Variants in ENTPD7 observed in about 807,000 individuals in gnomAD.
ENTPD7 encodes NTPDase 7.
In ENTPD7, 53 loss-of-function variants were observed where a neutral mutation model predicts 77.9. The observed-to-expected ratio is 0.68, with a 90% CI of 0.55 to 0.85. The LOEUF is 0.85. Ranked by LOEUF, ENTPD7 falls within the 40% of genes least tolerant of loss-of-function variation. The probability of loss-of-function intolerance (pLI) is 0.00; values close to 1 mark genes in which losing one functional copy is unlikely to be tolerated. For missense variants in ENTPD7, 636 were observed against 743.7 expected (o/e 0.86, Z 1.68); for synonymous variants, 248 against 274.9 (o/e 0.90, Z 0.97).
rs756556486 is a variant in ENTPD7 at position 99,708,217 on chromosome 10, T to G, written c.*3534T>G. ...TAACTTCAAGATCATATCCAGTGAT[T>G]GCTGAAAAATGTCTGCCATGCACTT... is the stretch of plus-strand genomic sequence containing the variant. On this transcript the variant is annotated 3_prime_UTR_variant, in exon 13 of 13. Coordinates refer to ENST00000370489, the MANE Select transcript of ENTPD7 (RefSeq NM_020354.5). Among the ~76,000 whole-genome samples, 47 of 152,330 alleles carry G rather than the reference T, an allele frequency of 3.1e-4. No individual in the cohort carries two copies. The highest frequency in any genetic ancestry group is 6.0e-4 in the Non-Finnish European group (41 of 68,034).
At chr10:99,691,613 T>G in intron 8 of ENTPD7, 95 bp downstream of exon 8, 8 of 1,368,536 alleles carry the variant, frequency 5.8e-6, no homozygotes, top group Non-Finnish European at 8.0e-6. Context: ...TACCTGGCTC[T>G]AAATATTTGT....
Position 99,698,632 on chromosome 10 carries a change from T to C in ENTPD7, c.1109T>C (p.Val370Ala). The C allele has an allele frequency of 6.2e-7, 1 of 1,614,146 alleles. No individual in the cohort carries two copies. Residue 370 changes from valine to alanine, a missense_variant, in exon 10 of 13, where the codon GTC becomes GCC. By Grantham distance (64) the Val-to-Ala change is moderately conservative (BLOSUM62 0). Transcript: ENST00000370489. Reference sequence around the variant, plus strand: ...GATGTGGTGGAGAGGAACAGCCAAGTCTTACATGTCCGAGGAAGAGGAGAC... The same window carrying C: ...GATGTGGTGGAGAGGAACAGCCAAGCCTTACATGTCCGAGGAAGAGGAGAC... ...LTDVVERNSQVLHVRGRGDWV... is the reference protein window; with the variant it reads ...LTDVVERNSQALHVRGRGDWV...
At chr10:99,673,104 T>G (rs952553939) in intron 3 of ENTPD7, among the ~76,000 whole-genome samples, 2 of 152,012 alleles carry the variant, frequency 1.3e-5, no homozygotes, top group African/African-American at 4.8e-5. Context: ...AGAGGAGGTG[T>G]GTGTGTGGGT....
intron 3 of ENTPD7, among the ~76,000 whole-genome samples, chr10:99,675,763 A>T (rs536338806): frequency 1.3e-5 from 2 of 151,626 alleles, no homozygotes; most frequent in Non-Finnish European, 2.9e-5. Context: ...CGCCTGGCTC[A>T]TTTTTTGTAT....
chr10:99,690,652 C>T (rs925990431), intron 7 of ENTPD7, among the ~76,000 whole-genome samples: 5 of 151,570 alleles, frequency 3.3e-5, no homozygotes, highest in African/African-American at 7.3e-5. Context: ...AAGCGATTCT[C>T]CTGCCTCAGC....
Position 99,698,670 on chromosome 10 carries a change from G to T in ENTPD7, c.1147G>T (p.Gly383Trp). The T allele has an allele frequency of 6.2e-7, 1 of 1,614,192 alleles. No individual in the cohort carries two copies. The highest frequency in any genetic ancestry group is 1.3e-5 in the African/African-American group (1 of 75,056). Residue 383 changes from glycine (G) to tryptophan (W), a missense_variant, in exon 10 of 13, where the codon GGG becomes TGG. Gly to Trp is a radical substitution (Grantham distance 184). Around this residue, in one of 3 missense-constraint regions of ENTPD7, gnomAD observed 486 missense variants for 556.5 expected, o/e 0.87. Transcript: ENST00000370489. ...AGGAAGAGGAGACTGGGTGTCTTGT[G>T]GGGCAATGCTGAGCCCCCTGCTGGC... ...VRGRGDWVSC[G>W]AMLSPLLARS...
At chr10:99,675,878 G>C (rs2035675798) in intron 3 of ENTPD7, among the ~76,000 whole-genome samples, 2 of 152,128 alleles carry the variant, frequency 1.3e-5, no homozygotes, top group African/African-American at 4.8e-5. Flanking sequence ...TTACAGGCAT[G>C]AGCCACTGCG....
At chr10:99,698,320 G>T (rs1000416338) in intron 9 of ENTPD7, among the ~76,000 whole-genome samples, 3 of 152,082 alleles carry the variant, frequency 2.0e-5, no homozygotes. Context: ...CTAAAATGTC[G>T]AACAGAATTG....
At position 99,679,256 on chromosome 10, in the gene ENTPD7, C is replaced by T; in HGVS notation, c.192-5C>T. 2 of 1,613,336 alleles carry T rather than the reference C, an allele frequency of 1.2e-6. No homozygotes were observed. The highest frequency in any genetic ancestry group is 1.7e-6 in the Non-Finnish European group (2 of 1,179,764). ...AGCACTGATTTCTCTTTTTGCCTGA[C>T]TTAGGTATTTGGCTCGAGTAGGGGA... On this transcript the variant is annotated splice_polypyrimidine_tract_variant and splice_region_variant and intron_variant, in intron 3 of 12. Coordinates refer to ENST00000370489, the MANE Select transcript of ENTPD7 (RefSeq NM_020354.5).
chr10:99,661,399 T>C, intron 2 of ENTPD7, 47 bp from the exon 3 acceptor site: 1 of 1,502,360 alleles, frequency 6.7e-7, no homozygotes, highest in Non-Finnish European at 9.0e-7. Flanking sequence ...ATTTAAGCAC[T>C]CAGTTGTAGA....
At chr10:99,680,657 G>A (rs1279183529) in intron 5 of ENTPD7, among the ~76,000 whole-genome samples, 1 of 151,992 alleles carries the variant, frequency 6.6e-6, no homozygotes, top group Non-Finnish European at 1.5e-5. Context: ...TGTGATCACA[G>A]CTCACTTCAA....
At chr10:99,692,435 G>A (rs138278218) in intron 8 of ENTPD7, among the ~76,000 whole-genome samples, 1 of 152,290 alleles carries the variant, frequency 6.6e-6, no homozygotes, top group Non-Finnish European at 1.5e-5. Context: ...TGGCAATATG[G>A]GGACTGGCAG....
In ENTPD7 at chr10:99,709,401, T is replaced by C; in HGVS notation, c.*4718T>C. ...TTCAAATTCTCCCATATTAGTCTCT[T>C]AGGGACGCTAGCTCCAGATTCCAGC... On this transcript the variant is annotated 3_prime_UTR_variant, in exon 13 of 13. Transcript: ENST00000370489. The C allele has an allele frequency of 1.0e-6, 1 of 985,424 alleles. No homozygotes were observed. The highest frequency in any genetic ancestry group is 1.2e-6 in the Non-Finnish European group (1 of 829,912). The allele number at this position is 985,424 out of a possible 1,614,324, so 61.0% of individuals were successfully genotyped here.
At chr10:99,700,507 T>C (rs1019904644) in intron 10 of ENTPD7, among the ~76,000 whole-genome samples, 2 of 151,970 alleles carry the variant, frequency 1.3e-5, no homozygotes, top group African/African-American at 4.8e-5. Flanking sequence ...TTTGTCTGTT[T>C]TATTTACTGC....
intron 6 of ENTPD7, among the ~76,000 whole-genome samples, chr10:99,686,886 G>A (rs1486514429): frequency 6.9e-6 from 1 of 145,572 alleles, no homozygotes; most frequent in Non-Finnish European, 1.5e-5. Flanking sequence ...TTGATCTCAA[G>A]TTCTGAGCTG....
intron 8 of ENTPD7, among the ~76,000 whole-genome samples, chr10:99,693,504 C>T (rs2013269): frequency 0.85 from 128,772 of 152,212 alleles, 54,671 homozygotes; most frequent in Middle Eastern, 0.92. Context: ...AGGTGACAAG[C>T]GGGACTGGGG....
At chr10:99,692,277 TATG>T (rs2035894697) in intron 8 of ENTPD7, among the ~76,000 whole-genome samples, 1 of 152,220 alleles carries the variant, frequency 6.6e-6, no homozygotes, top group African/African-American at 2.4e-5. Context: ...CCATGCATCA[TATG>T]ATATCTCTTG....
rs79877949 is a variant in ENTPD7, at chr10:99,696,405, G to A, written c.1010+283G>A. Among the ~76,000 whole-genome samples the A allele has an allele frequency of 2.9e-3, 444 of 152,304 alleles. 1 individual carries two copies. In the Middle Eastern group the frequency reaches 0.058, roughly 20 times the overall value. On this transcript the variant is annotated intron_variant, in intron 9 of 12. Transcript: ENST00000370489. ...CCTAACATCATGGGAAAAGGGAGAT[G>A]AATTAAATTGCCAGTTTAAAATGTA... is the stretch of plus-strand genomic sequence containing the variant.
rs370286436 is a variant in ENTPD7 at position 99,661,609 on chromosome 10, C to T, written c.172C>T (p.Arg58Ter). The T allele has an allele frequency of 3.7e-6, 6 of 1,606,206 alleles. No homozygotes were observed. Among genetic ancestry groups the T allele is most frequent in the African/African-American group, 2.7e-5 (2 of 74,408 alleles). ...DFRHWSASLP[R>*]DRQYERYLAR... ...TCGACATTGGAGTGCTTCATTACCA[C>T]GAGATAGGCAATACGAAAGGTGAGT... The change falls in exon 3 of 13, where the codon CGA becomes TGA. Residue 58 changes from arginine to a stop codon, truncating the protein, a stop_gained. Transcript: ENST00000370489. LOFTEE classifies it high-confidence loss of function.
Sources: allele counts gnomAD v4.1 joint callset (sites outside exome capture counted in the v4.1 genomes callset), GRCh38; gene constraint gnomAD v4.1.1; regional missense constraint gnomAD v4.1.1; transcripts MANE v1.5; gene names NCBI Gene and HGNC (gene_info 2026-07-23, HGNC 2026-07-21).